Variants in CREB5 observed in about 807,000 individuals in gnomAD.
The protein encoded by CREB5 is cyclic AMP-responsive element-binding protein 5.
In CREB5, 19 loss-of-function variants were observed where a neutral mutation model predicts 57.1. The observed-to-expected ratio is 0.33, with a 90% CI of 0.23 to 0.49. CREB5 has a LOEUF of 0.49. Among genes scored for constraint, CREB5 ranks in the 20% least tolerant of loss-of-function variants. The pLI, the probability that CREB5 is intolerant of heterozygous loss-of-function variation, is 0.99. For synonymous variants in CREB5, 238 were observed against 238.3 expected, an observed-to-expected ratio of 1.00 and a Z score of 0.01; for missense variants, 579 against 671.6, an observed-to-expected ratio of 0.86 and a Z score of 1.52.
At chr7:28,523,784 C>T (rs865901151) in intron 4 of CREB5, among the ~76,000 whole-genome samples, 4 of 152,222 alleles carry the variant, frequency 2.6e-5, no homozygotes, top group Non-Finnish European at 4.4e-5. Flanking sequence ...CTCATGTCAG[C>T]TGCCACCTCC....
chr7:28,646,105 C>T (rs766341729), intron 5 of CREB5, among the ~76,000 whole-genome samples: 1 of 152,208 alleles, frequency 6.6e-6, no homozygotes, highest in African/African-American at 2.4e-5. Context: ...GACAGTAGAT[C>T]ATAGGACTTC....
chr7:28,642,991 C>CACACACAT (rs1562544794), intron 5 of CREB5, among the ~76,000 whole-genome samples: 338 of 114,446 alleles, frequency 3.0e-3, no homozygotes, highest in Non-Finnish European at 4.3e-3. Context: ...CACACATACA[C>CACACACAT]ACACACACAC....
Position 28,766,245 on chromosome 7 carries a change from ACAGT to A in CREB5, c.703-37952_703-37949del, listed in dbSNP as rs1472459560. 2.6e-5 allele frequency among the ~76,000 whole-genome samples: 4 copies of A among 152,088 alleles called. No homozygotes were observed. The East Asian group carries it at 7.7e-4, about 29-fold the overall frequency. On this transcript the variant is annotated intron_variant, in intron 7 of 10. Coordinates refer to ENST00000357727, the MANE Select transcript of CREB5 (RefSeq NM_182898.4). ...TTTAAAGATAAATGAGAAATAAAAA[ACAGT>A]CTGTCATCTTTCCCTTCTGAAGAAA...
intron 7 of CREB5, among the ~76,000 whole-genome samples, chr7:28,778,584 T>G (rs1212117278): frequency 1.3e-5 from 2 of 152,206 alleles, no homozygotes; most frequent in East Asian, 3.9e-4. Flanking sequence ...GGCATATAAA[T>G]AATAAGGAGT....
At chr7:28,305,770 C>T (rs1319818236) in intron 1 of CREB5, among the ~76,000 whole-genome samples, 1 of 140,506 alleles carries the variant, frequency 7.1e-6, no homozygotes, top group Non-Finnish European at 1.6e-5. Context: ...TGATTTCATT[C>T]ATTCAATTAT....
chr7:28,820,296 G>A lies in CREB5; in HGVS notation c.*1017G>A, dbSNP rs561074476. The A allele has an allele frequency of 2.0e-4, 31 of 152,686 alleles. No individual in the cohort carries two copies. The highest frequency in any genetic ancestry group is 7.2e-4 in the African/African-American group (30 of 41,540). 9.5% of individuals were successfully genotyped at this position (152,686 alleles called of 1,614,324 possible). A position where few individuals can be genotyped will look rare whatever the true frequency, so the allele number is the denominator to read the frequency against. On this transcript the variant is annotated 3_prime_UTR_variant, in exon 11 of 11. Coordinates refer to ENST00000357727, the MANE Select transcript of CREB5 (RefSeq NM_182898.4). ...ACATGACACCCTTGGATTGCGACTG[G>A]TTTTATACGGCCTGCCTATAACGTT...
intron 5 of CREB5, among the ~76,000 whole-genome samples, chr7:28,698,720 T>C (rs1190833334): frequency 6.6e-6 from 1 of 152,184 alleles, no homozygotes; most frequent in Non-Finnish European, 1.5e-5. Flanking sequence ...AGGCAAGACA[T>C]GGGATGAGGC....
chr7:28,451,034 C>T (rs529941363), intron 1 of CREB5, among the ~76,000 whole-genome samples: 1 of 152,162 alleles, frequency 6.6e-6, no homozygotes, highest in Non-Finnish European at 1.5e-5. Context: ...ACTGATTTTT[C>T]AGTTGCTGTA....
chr7:28,431,440 G>A (rs186875998), intron 1 of CREB5, among the ~76,000 whole-genome samples: 16 of 152,260 alleles, frequency 1.1e-4, no homozygotes, highest in African/African-American at 3.6e-4. Context: ...GAAAATTGGC[G>A]TTAAAGCCTC....
chr7:28,655,850 G>A (rs1184355455), intron 5 of CREB5, among the ~76,000 whole-genome samples: 1 of 152,076 alleles, frequency 6.6e-6, no homozygotes, highest in Non-Finnish European at 1.5e-5. Flanking sequence ...TTTACACATT[G>A]ATGCAGATTG....
intron 1 of CREB5, among the ~76,000 whole-genome samples, chr7:28,393,973 G>T (rs1370059692): frequency 6.7e-6 from 1 of 149,512 alleles, no homozygotes; most frequent in African/African-American, 2.5e-5. Flanking sequence ...TACTGGGGAG[G>T]CTGAGGCAGG....
chr7:28,330,640 C>T (rs1237775514), intron 1 of CREB5, among the ~76,000 whole-genome samples: 1 of 150,022 alleles, frequency 6.7e-6, no homozygotes, highest in African/African-American at 2.4e-5. Flanking sequence ...AAAAAAACAA[C>T]CACAGACTAT....
intron 7 of CREB5, among the ~76,000 whole-genome samples, chr7:28,776,512 A>C (rs1473260923): frequency 6.6e-6 from 1 of 152,210 alleles, no homozygotes. Context: ...ATAAGAAGGC[A>C]AGAGAGTTTT....
rs190293871 is a variant in CREB5, at chr7:28,673,629, C to A, written c.465-45124C>A. 7.2e-3 allele frequency among the ~76,000 whole-genome samples: 1,075 copies of A among 149,308 alleles called. 16 individuals are homozygous for A. Among genetic ancestry groups the A allele is most frequent in the African/African-American group, 0.026 (1,050 of 40,490 alleles). ...AAGTGGTAATGAATAAAGCAGAGCC[C>A]GTGTTGACATGAAGTTTCTCTCTCT... On this transcript the variant is annotated intron_variant, in intron 5 of 10. Coordinates refer to ENST00000357727, the MANE Select transcript of CREB5 (RefSeq NM_182898.4).
In CREB5 at chr7:28,751,805, C is replaced by T. The variant is rs1804990096; in HGVS notation, c.702+27473C>T. On this transcript the variant is annotated intron_variant, in intron 7 of 10. Transcript: ENST00000357727. ...ATTTCCCTATTTTTTTCACCAATGT[C>T]TTTTTTTCTGTTCCAGCACCCAGTG... Among the ~76,000 whole-genome samples the T allele has an allele frequency of 2.0e-5, 3 of 152,070 alleles. No homozygotes were observed. In the South Asian group the frequency reaches 6.2e-4, roughly 31 times the overall value.
At chr7:28,808,712 CTTTTTTTTTTTTTTTTTTTTT>C (rs59374546) in intron 8 of CREB5, among the ~76,000 whole-genome samples, 1 of 83,174 alleles carries the variant, frequency 1.2e-5, no homozygotes, top group African/African-American at 5.3e-5. Context: ...CCAATTTTTC[CTTTTTTTTTTTTTTTTTTTTT>C]TTTTTTTTGT....
intron 1 of CREB5, among the ~76,000 whole-genome samples, chr7:28,378,821 C>T (rs1264408082): frequency 6.6e-6 from 1 of 152,206 alleles, no homozygotes; most frequent in Admixed American, 6.5e-5. Flanking sequence ...CTCAACTCTA[C>T]TGGCATTTGT....
intron 1 of CREB5, among the ~76,000 whole-genome samples, chr7:28,465,319 C>G (rs1282542080): frequency 1.3e-5 from 2 of 152,114 alleles, no homozygotes; most frequent in East Asian, 1.9e-4. Flanking sequence ...GCTGCCAGGC[C>G]GTGGAAAGGT....
chr7:28,780,128 A>T (rs1806885887), intron 7 of CREB5, among the ~76,000 whole-genome samples: 1 of 152,124 alleles, frequency 6.6e-6, no homozygotes, highest in African/African-American at 2.4e-5. Context: ...TAGGAGCCAG[A>T]TCTTCTGCTT....
Sources: gnomAD v4.1 joint callset for allele counts (sites outside exome capture counted in the v4.1 genomes callset) on GRCh38, gnomAD v4.1.1 for gene constraint, MANE v1.5 for transcripts, NCBI Gene and HGNC (gene_info 2026-07-23, HGNC 2026-07-21) for gene names.